Variants in CCDC85A observed in about 807,000 individuals in gnomAD.
CCDC85A encodes the protein coiled-coil domain containing 85A, also known as coiled-coil domain-containing protein 85A.
Under a neutral mutation model 50.2 loss-of-function variants are expected in CCDC85A, and 38 were observed. The observed-to-expected ratio is 0.76, with a 90% CI of 0.58 to 0.99. The LOEUF is 0.99. Ranked by LOEUF, CCDC85A falls within the 50% of genes least tolerant of loss-of-function variation. The pLI, the probability that CCDC85A is intolerant of heterozygous loss-of-function variation, is 0.00. For synonymous variants in CCDC85A, 366 were observed against 301.4 expected, an observed-to-expected ratio of 1.21 and a Z score of -2.22; for missense variants, 820 against 742.0, an observed-to-expected ratio of 1.11 and a Z score of -1.22.
chr2:56,287,144 C>T (rs75870319), intron 2 of CCDC85A, among the ~76,000 whole-genome samples: 3,119 of 152,292 alleles, frequency 0.02, 104 homozygotes, highest in African/African-American at 0.071. Context: ...TAGTTACTTT[C>T]TGCTAGGGCT....
At position 56,282,557 on chromosome 2, in the gene CCDC85A, T is replaced by G. The variant is rs1671250829; in HGVS notation, c.1241-60322T>G. The stretch of plus-strand genomic sequence containing the variant: ...GGAGTCTAGCTGTTGTTGCCGAGGT[T>G]GGAGTGCAATGGCGCGATCTCGGCT... On this transcript the variant is annotated intron_variant, in intron 2 of 5. Transcript: ENST00000407595. 2.0e-5 allele frequency among the ~76,000 whole-genome samples: 3 copies of G among 152,366 alleles called. No homozygotes were observed. The South Asian group carries it at 6.2e-4, about 32-fold the overall frequency.
intron 2 of CCDC85A, among the ~76,000 whole-genome samples, chr2:56,315,754 G>C (rs941913076): frequency 1.1e-4 from 16 of 152,100 alleles, no homozygotes; most frequent in African/African-American, 3.6e-4. Context: ...TTTTGCAAAG[G>C]GGTAGTGTTT....
chr2:56,200,820 TC>T (rs1211935558), intron 2 of CCDC85A, among the ~76,000 whole-genome samples: 1 of 152,156 alleles, frequency 6.6e-6, no homozygotes, highest in Non-Finnish European at 1.5e-5. Context: ...AATTTTTGTC[TC>T]AAATCATTAT....
intron 2 of CCDC85A, among the ~76,000 whole-genome samples, chr2:56,260,218 G>A (rs1233582469): frequency 1.3e-5 from 2 of 152,134 alleles, no homozygotes; most frequent in African/African-American, 4.8e-5. Flanking sequence ...TGGGAAAATG[G>A]ACCAAAAAAT....
intron 2 of CCDC85A, among the ~76,000 whole-genome samples, chr2:56,225,469 C>G (rs557102142): frequency 6.6e-6 from 1 of 152,218 alleles, no homozygotes; most frequent in South Asian, 2.1e-4. Flanking sequence ...TTATTTCTGA[C>G]TCTTTATTCC....
Position 56,193,190 on chromosome 2 carries a change from G to A in CCDC85A, c.990G>A (p.Arg330=), listed in dbSNP as rs1387380862. The change falls in exon 2 of 6, where the codon AGG becomes AGA. Residue 330 remains arginine (R), a synonymous_variant. Transcript: ENST00000407595. ...CAGGGAGCAGCCCTGAACACGCCAG[G>A]CACAGTGGAGGGAGCCCGGAGCATC... ...HRSGSSPEHA[R]HSGGSPEHLQ... is the part of the protein sequence containing the mutation. The A allele has an allele frequency of 6.2e-7, 1 of 1,612,640 alleles. No homozygotes were observed. Among genetic ancestry groups the A allele is most frequent in the African/African-American group, 1.3e-5 (1 of 74,664 alleles).
At chr2:56,269,396 A>C (rs764596807) in intron 2 of CCDC85A, among the ~76,000 whole-genome samples, 3 of 151,614 alleles carry the variant, frequency 2.0e-5, no homozygotes. Context: ...GAAGGAAGCA[A>C]TCTTAATGGT....
intron 2 of CCDC85A, among the ~76,000 whole-genome samples, chr2:56,284,064 G>T (rs905976071): frequency 6.6e-6 from 1 of 151,684 alleles, no homozygotes; most frequent in East Asian, 1.9e-4. Flanking sequence ...TTGATATACT[G>T]TATTTTTGTC....
At chr2:56,335,264 G>A (rs1039594739) in intron 2 of CCDC85A, among the ~76,000 whole-genome samples, 8 of 152,096 alleles carry the variant, frequency 5.3e-5, no homozygotes, top group African/African-American at 9.7e-5. Flanking sequence ...CAGTTCTGAC[G>A]TAATTTCCTT....
Position 56,345,054 on chromosome 2 carries a change from C to G in CCDC85A, c.1317+2099C>G, listed in dbSNP as rs189281519. ...GAGTCCTTAACTATACTTGATGTGTCTATGTGTATTGGAATACATAGTACT... is the reference window on the plus strand; with the variant it reads ...GAGTCCTTAACTATACTTGATGTGTGTATGTGTATTGGAATACATAGTACT... On this transcript the variant is annotated intron_variant, in intron 3 of 5. Transcript: ENST00000407595. 1.2e-4 allele frequency among the ~76,000 whole-genome samples: 18 copies of G among 152,198 alleles called. No homozygotes were observed. The East Asian group carries it at 3.5e-3, about 29-fold the overall frequency.
intron 2 of CCDC85A, among the ~76,000 whole-genome samples, chr2:56,333,644 GC>G (rs1450180439): frequency 6.6e-6 from 1 of 152,014 alleles, no homozygotes; most frequent in Non-Finnish European, 1.5e-5. Flanking sequence ...GGAGGAGGAG[GC>G]AAGAATAGAA....
chr2:56,192,944 C>T lies in CCDC85A; in HGVS notation c.744C>T (p.His248=), dbSNP rs1307940281. The part of the protein sequence containing the change: ...QKPRSEGSPE[H]SKHRSASPEH... ...CCCGGAGCGAGGGCAGCCCGGAGCA[C>T]TCCAAGCACAGGAGCGCCAGCCCCG... Residue 248 remains histidine, a synonymous_variant, in exon 2 of 6, where the codon CAC becomes CAT. Transcript: ENST00000407595. This position sits in a 1 kb window ranked among gnomAD's most constrained non-coding sequence, Gnocchi z 4.7. 2 of 1,612,812 alleles carry T rather than the reference C, an allele frequency of 1.2e-6. No individual in the cohort carries two copies. Among genetic ancestry groups the T allele is most frequent in the Non-Finnish European group, 1.7e-6 (2 of 1,179,618 alleles).
At chr2:56,359,367 A>G (rs1675412590) in intron 3 of CCDC85A, among the ~76,000 whole-genome samples, 2 of 152,180 alleles carry the variant, frequency 1.3e-5, no homozygotes, top group African/African-American at 4.8e-5. Flanking sequence ...TATAGAAGGG[A>G]CAATTGTTGT....
At chr2:56,296,291 G>A (rs1157934445) in intron 2 of CCDC85A, among the ~76,000 whole-genome samples, 1 of 152,060 alleles carries the variant, frequency 6.6e-6, no homozygotes, top group East Asian at 1.9e-4. Flanking sequence ...GGTTCAGAAG[G>A]GTTTCTTTTT....
intron 2 of CCDC85A, among the ~76,000 whole-genome samples, chr2:56,202,868 C>T (rs1282259141): frequency 6.6e-6 from 1 of 152,144 alleles, no homozygotes; most frequent in Non-Finnish European, 1.5e-5. Context: ...TCCACCCAAA[C>T]AGAATAATAA....
rs559987265 is a variant in CCDC85A, at chr2:56,267,365, A to G, written c.1240+73925A>G. Among the ~76,000 whole-genome samples the G allele has an allele frequency of 1.1e-4, 16 of 152,274 alleles. No homozygotes were observed. The East Asian group carries it at 3.1e-3, about 29-fold the overall frequency. ...CAACACGACTAGGATCTATGAAAAG[A>G]TTGATTAAATATGTTGGGAATGATA... On this transcript the variant is annotated intron_variant, in intron 2 of 5. Transcript: ENST00000407595.
intron 2 of CCDC85A, among the ~76,000 whole-genome samples, chr2:56,226,408 T>C (rs573185951): frequency 6.6e-6 from 1 of 152,298 alleles, no homozygotes; most frequent in South Asian, 2.1e-4. Flanking sequence ...AGAGGGTGGA[T>C]ACCTGTCCCA....
At chr2:56,326,734 A>G (rs983730689) in intron 2 of CCDC85A, among the ~76,000 whole-genome samples, 5 of 152,160 alleles carry the variant, frequency 3.3e-5, no homozygotes, top group Non-Finnish European at 5.9e-5. Context: ...TGCTTACAGT[A>G]TGTCATTCTT....
chr2:56,222,945 C>G (rs1205893809), intron 2 of CCDC85A, among the ~76,000 whole-genome samples: 1 of 152,092 alleles, frequency 6.6e-6, no homozygotes, highest in Non-Finnish European at 1.5e-5. Context: ...AGATACATTC[C>G]TGATTTTAAA....
Sources: allele counts gnomAD v4.1 joint callset (sites outside exome capture counted in the v4.1 genomes callset), GRCh38; gene constraint gnomAD v4.1.1; non-coding constraint Gnocchi (gnomAD v3.1); transcripts MANE v1.5; gene names NCBI Gene and HGNC (gene_info 2026-07-23, HGNC 2026-07-21).